The following PFKFB4 variants were observed in gnomAD, a reference collection of about 807,000 sequenced individuals.
PFKFB4 encodes 6-phosphofructo-2-kinase/fructose-2,6-bisphosphatase 4.
PFKFB4 carries 42 observed loss-of-function variants against 62.8 expected under a neutral mutation model. The observed-to-expected ratio is 0.67, with a 90% confidence interval of 0.52 to 0.86. PFKFB4 has a LOEUF of 0.86. Ranked by LOEUF, PFKFB4 falls within the 40% of genes least tolerant of loss-of-function variation. The probability of loss-of-function intolerance (pLI) is 0.00; values close to 1 mark genes in which losing one functional copy is unlikely to be tolerated. For missense variants in PFKFB4, 475 were observed against 627.2 expected, an observed-to-expected ratio of 0.76 and a Z score of 2.59; for synonymous variants, 204 against 240.7, an observed-to-expected ratio of 0.85 and a Z score of 1.41.
At chr3:48,542,615 G>C (rs1234997842) in intron 4 of PFKFB4, among the ~76,000 whole-genome samples, 1 of 151,848 alleles carries the variant, frequency 6.6e-6, no homozygotes, top group Admixed American at 6.6e-5. Flanking sequence ...TCACCTTGAA[G>C]ACCCTAAAGG....
rs180694588 is a variant in PFKFB4 at position 48,545,771 on chromosome 3, T to A, written c.312-2125A>T. ...TGTGAGCTACTATGTCCAGCCCTTG[T>A]AACCATTTCTGTGCCCCAATGGGTC... On this transcript the variant is annotated intron_variant, in intron 3 of 13. Transcript: ENST00000232375. Among the ~76,000 whole-genome samples, 234 of 152,300 alleles carry A rather than the reference T, an allele frequency of 1.5e-3. 1 individual carries two copies. The highest frequency in any genetic ancestry group is 5.3e-3 in the African/African-American group (220 of 41,564).
upstream of PFKFB4, chr3:48,562,464 C>T (rs1021747303): frequency 1.0e-5 from 4 of 381,044 alleles, no homozygotes; most frequent in East Asian, 9.2e-5. This position sits in a 1 kb window ranked among gnomAD's most constrained non-coding sequence, Gnocchi z 4.3. Context: ...AGTGACCTTA[C>T]GTGGCAGCAT....
At chr3:48,560,152 C>T (rs1182663821), upstream of PFKFB4, among the ~76,000 whole-genome samples, 1 of 152,178 alleles carries the variant, frequency 6.6e-6, no homozygotes, top group Non-Finnish European at 1.5e-5. Flanking sequence ...CAGGCCCACA[C>T]ACTGATGCAC....
intron 6 of PFKFB4, among the ~76,000 whole-genome samples, chr3:48,539,030 G>A (rs1161085829): frequency 1.3e-5 from 2 of 152,098 alleles, no homozygotes; most frequent in Non-Finnish European, 2.9e-5. Flanking sequence ...TGCTCTCCTA[G>A]TGTCCAGGTG....
At chr3:48,520,042 G>T (rs959692234) in intron 13 of PFKFB4, among the ~76,000 whole-genome samples, 1 of 152,146 alleles carries the variant, frequency 6.6e-6, no homozygotes, top group African/African-American at 2.4e-5. Flanking sequence ...CTCGTTTCCT[G>T]CTCCACTGCA....
intron 10 of PFKFB4, among the ~76,000 whole-genome samples, chr3:48,525,158 C>T (rs903281720): frequency 6.6e-6 from 1 of 152,126 alleles, no homozygotes; most frequent in African/African-American, 2.4e-5. Context: ...GCTGACAACT[C>T]GCTGGGAAAG....
At chr3:48,557,292 G>T (rs1358147049), upstream of PFKFB4, among the ~76,000 whole-genome samples, 1 of 152,166 alleles carries the variant, frequency 6.6e-6, no homozygotes, top group East Asian at 1.9e-4. Context: ...TACGTGACCC[G>T]CACGGCCAGG....
chr3:48,556,659 C>G lies in PFKFB4; in HGVS notation c.97+22G>C, dbSNP rs1195613045. 15 of 1,609,804 alleles carry G rather than the reference C, an allele frequency of 9.3e-6. No homozygotes were observed. Among genetic ancestry groups the G allele is most frequent in the Non-Finnish European group, 1.3e-5 (15 of 1,177,898 alleles). On this transcript the variant is annotated intron_variant, in intron 1 of 13. Transcript: ENST00000232375. The surrounding 1 kb of genome is among the most constrained non-coding windows in gnomAD (Gnocchi z 5.7). ...CCCATCCCGGTGCACCTCCCACCTC[C>G]TCCCAGAGGACCCCGCCTCACCACC...
At chr3:48,523,857 C>G (rs1242776737) in intron 10 of PFKFB4, 27 bp from the exon 11 acceptor site, 1 of 1,607,778 alleles carries the variant, frequency 6.2e-7, no homozygotes, top group South Asian at 1.1e-5. Flanking sequence ...AGAGGGGTCC[C>G]TCAGGCCTGG....
In PFKFB4 at chr3:48,518,473, T is replaced by C. The variant is rs1413506592; in HGVS notation, c.*1274A>G. 1 of 152,290 alleles carries C rather than the reference T, an allele frequency of 6.6e-6. No individual in the cohort carries two copies. Among genetic ancestry groups the C allele is most frequent in the Non-Finnish European group, 1.5e-5 (1 of 68,102 alleles). The allele number at this position is 152,290 out of a possible 1,614,324, so 9.4% of individuals were successfully genotyped here. On this transcript the variant is annotated 3_prime_UTR_variant, in exon 14 of 14. Transcript: ENST00000232375. ...GGCACCCGATTACAAGTCCAGACAC[T>C]TTCTGACCCAGCCCCACAACTTGCC...
chr3:48,519,838 A>G, intron 13 of PFKFB4, 32 bp from the exon 14 acceptor site: 2 of 1,578,482 alleles, frequency 1.3e-6, no homozygotes, highest in Middle Eastern at 1.7e-4. Context: ...CGTTCACTCC[A>G]TGGCAGGAAT....
At chr3:48,560,615 T>C (rs1041655460), upstream of PFKFB4, among the ~76,000 whole-genome samples, 8 of 152,122 alleles carry the variant, frequency 5.3e-5, no homozygotes, top group Non-Finnish European at 1.2e-4. Flanking sequence ...TCAGAGAAGC[T>C]CAGGACTGGC....
At chr3:48,550,728 T>C (rs889576835) in intron 1 of PFKFB4, among the ~76,000 whole-genome samples, 1 of 152,166 alleles carries the variant, frequency 6.6e-6, no homozygotes, top group Non-Finnish European at 1.5e-5. Context: ...CTTTTCATCA[T>C]ACAAAGCCCA....
chr3:48,551,214 C>CTTT (rs773561800), intron 1 of PFKFB4, among the ~76,000 whole-genome samples: 13 of 135,082 alleles, frequency 9.6e-5, no homozygotes, highest in Admixed American at 2.3e-4. Context: ...GCTCACTTTT[C>CTTT]TTTTTTTTTT....
At chr3:48,533,866 T>C (rs1429315934) in intron 9 of PFKFB4, among the ~76,000 whole-genome samples, 1 of 151,820 alleles carries the variant, frequency 6.6e-6, no homozygotes. Context: ...AAAAAATAAA[T>C]AAATAAAGGG....
At chr3:48,545,107 A>G (rs754858356) in intron 3 of PFKFB4, among the ~76,000 whole-genome samples, 4 of 151,414 alleles carry the variant, frequency 2.6e-5, no homozygotes, top group Non-Finnish European at 5.9e-5. Flanking sequence ...TTTTCTATGT[A>G]AGGGTAAAGC....
At chr3:48,531,203 A>C (rs74674484) in intron 9 of PFKFB4, among the ~76,000 whole-genome samples, 5,615 of 151,868 alleles carry the variant, frequency 0.037, 327 homozygotes, top group African/African-American at 0.12. Flanking sequence ...ACATCTCTAA[A>C]AATTTTTTAA....
chr3:48,550,073 C>T (rs1026549615), intron 2 of PFKFB4, 45 bp downstream of exon 2: 2 of 1,479,096 alleles, frequency 1.4e-6, no homozygotes, highest in African/African-American at 2.8e-5. Flanking sequence ...TTCTCTTCGT[C>T]ATGCCCCACA....
Position 48,538,318 on chromosome 3 carries a change from G to A in PFKFB4, c.632+180C>T, listed in dbSNP as rs75775866. On this transcript the variant is annotated intron_variant, in intron 7 of 13. Coordinates refer to ENST00000232375, the MANE Select transcript of PFKFB4 (RefSeq NM_004567.4). ...TCGCAGAGTTTTGGATGAGGTAACCGGTGTTCTGCAAGTCACCTCTGACCA... is the reference window on the plus strand; with the variant it reads ...TCGCAGAGTTTTGGATGAGGTAACCAGTGTTCTGCAAGTCACCTCTGACCA... 3.2e-3 allele frequency among the ~76,000 whole-genome samples: 487 copies of A among 152,238 alleles called. 6 individuals carry two copies. The highest frequency in any genetic ancestry group is 0.011 in the African/African-American group (454 of 41,538).
Sources: allele counts gnomAD v4.1 joint callset (sites outside exome capture counted in the v4.1 genomes callset), GRCh38; gene constraint gnomAD v4.1.1; non-coding constraint Gnocchi (gnomAD v3.1); transcripts MANE v1.5; gene names NCBI Gene and HGNC (gene_info 2026-07-23, HGNC 2026-07-21).